Variants in JAK1 observed in about 807,000 individuals in gnomAD.
The protein encoded by JAK1 is tyrosine-protein kinase JAK1.
JAK1 carries 16 observed loss-of-function variants against 136.6 expected under a neutral mutation model. The ratio of observed to expected loss-of-function variants is 0.12; its 90% confidence interval spans 0.08 to 0.18. The LOEUF is 0.18. JAK1 is among the 10% of genes least tolerant of loss of function. JAK1 has a pLI of 1.00. For synonymous variants in JAK1, 492 were observed against 519.5 expected (o/e 0.95, Z 0.72); for missense variants, 859 against 1,450.1 (o/e 0.59, Z 6.62).
intron 2 of JAK1, among the ~76,000 whole-genome samples, chr1:65,025,665 T>C (rs1238337603): frequency 1.4e-5 from 2 of 141,092 alleles, no homozygotes; most frequent in Admixed American, 7.4e-5. Flanking sequence ...AAATCAATTT[T>C]TTTCTTTCTT....
intron 1 of JAK1, among the ~76,000 whole-genome samples, chr1:64,959,710 C>T (rs968198224): frequency 6.6e-6 from 1 of 152,136 alleles, no homozygotes; most frequent in Non-Finnish European, 1.5e-5. Context: ...AAGAGTAAAA[C>T]CTAATTTACC....
intron 8 of JAK1, among the ~76,000 whole-genome samples, chr1:64,862,260 T>C (rs898185256): frequency 1.3e-5 from 2 of 152,204 alleles, no homozygotes; most frequent in Non-Finnish European, 2.9e-5. Flanking sequence ...TATGGAATCA[T>C]CATTTTTATA....
intron 8 of JAK1, among the ~76,000 whole-genome samples, chr1:64,860,826 C>CTGTGCGTGTGTGTGTG (rs1656262092): frequency 8.3e-6 from 1 of 120,578 alleles, no homozygotes; most frequent in Non-Finnish European, 1.8e-5. Flanking sequence ...TCAGATGACT[C>CTGTGCGTGTGTGTGTG]TGTGTGTGTG....
intron 2 of JAK1, among the ~76,000 whole-genome samples, chr1:65,039,937 AG>A (rs1647114359): frequency 6.6e-6 from 1 of 152,036 alleles, no homozygotes. Context: ...AAATGCGAAG[AG>A]GCACAGTGGC....
At chr1:64,929,670 A>G (rs1645653459) in intron 1 of JAK1, among the ~76,000 whole-genome samples, 1 of 152,210 alleles carries the variant, frequency 6.6e-6, no homozygotes, top group Non-Finnish European at 1.5e-5. Context: ...TATTTAGGGT[A>G]AGTAAATGGA....
chr1:64,925,475 A>T (rs1645568571), intron 1 of JAK1, among the ~76,000 whole-genome samples: 1 of 152,186 alleles, frequency 6.6e-6, no homozygotes, highest in African/African-American at 2.4e-5. Flanking sequence ...CAAGAAGAAG[A>T]AAACTGTGTA....
At chr1:64,928,790 A>AAAAC (rs1553170024) in intron 1 of JAK1, among the ~76,000 whole-genome samples, 1 of 125,794 alleles carries the variant, frequency 7.9e-6, no homozygotes, top group African/African-American at 3.7e-5. Context: ...AAAAAAAAAA[A>AAAAC]AAAAAACAAA....
intron 2 of JAK1, among the ~76,000 whole-genome samples, chr1:65,000,607 T>G (rs1646746738): frequency 2.0e-5 from 3 of 152,106 alleles, no homozygotes; most frequent in Admixed American, 2.0e-4. Flanking sequence ...GTTAAATAAA[T>G]GTACAATGGA....
chr1:64,847,030 C>G lies in JAK1; in HGVS notation c.1900-294G>C, dbSNP rs1363448670. ...CCACTGGATACTCATGCCCACCTCT[C>G]TCTCTTCCTTTCAGCTCTGGGAAAT... On this transcript the variant is annotated intron_variant, in intron 13 of 24. Coordinates refer to ENST00000342505, the MANE Select transcript of JAK1 (RefSeq NM_002227.4). The G allele has an allele frequency of 6.0e-6, 3 of 499,414 alleles. No homozygotes were observed. The South Asian group carries it at 8.8e-5, about 15-fold the overall frequency. 30.9% of individuals were successfully genotyped at this position (499,414 alleles called of 1,614,324 possible).
intron 17 of JAK1, among the ~76,000 whole-genome samples, chr1:64,843,718 G>A (rs1176715991): frequency 1.5e-5 from 2 of 133,838 alleles, no homozygotes; most frequent in African/African-American, 3.4e-5. Flanking sequence ...AACTCCATAC[G>A]TATTTGTGTG....
upstream of JAK1, among the ~76,000 whole-genome samples, chr1:64,968,370 G>C (rs1456598762): frequency 6.6e-6 from 1 of 152,162 alleles, no homozygotes; most frequent in Non-Finnish European, 1.5e-5. Context: ...ACAATTCAGT[G>C]ATTCCCGGTC....
chr1:65,049,783 CCTGT>C (rs779180963), intron 1 of JAK1, among the ~76,000 whole-genome samples: 1 of 152,150 alleles, frequency 6.6e-6, no homozygotes, highest in Non-Finnish European at 1.5e-5. Context: ...AGTGTCGCTC[CCTGT>C]CTCTCTCCTG....
chr1:65,032,801 G>C (rs1324410129), intron 2 of JAK1, among the ~76,000 whole-genome samples: 1 of 152,138 alleles, frequency 6.6e-6, no homozygotes, highest in Admixed American at 6.5e-5. Flanking sequence ...CTGCCCACCA[G>C]TGTTATGGGG....
chr1:64,909,722 G>A (rs1645250439), intron 1 of JAK1, among the ~76,000 whole-genome samples: 1 of 152,084 alleles, frequency 6.6e-6, no homozygotes, highest in Non-Finnish European at 1.5e-5. Context: ...TACTTGGGAG[G>A]CTGAAGTGGG....
chr1:64,958,438 AC>A (rs1646229666), intron 1 of JAK1, among the ~76,000 whole-genome samples: 1 of 152,258 alleles, frequency 6.6e-6, no homozygotes, highest in African/African-American at 2.4e-5. Context: ...TTTTAACTGA[AC>A]AAAATCAGTC....
chr1:65,008,067 C>T (rs925268431), intron 2 of JAK1, among the ~76,000 whole-genome samples: 5 of 152,072 alleles, frequency 3.3e-5, no homozygotes, highest in African/African-American at 1.2e-4. Context: ...TTTCTAAGTT[C>T]CCAGGGAATT....
At chr1:64,977,454 CT>C (rs60862617) in intron 2 of JAK1, among the ~76,000 whole-genome samples, 1,704 of 141,200 alleles carry the variant, frequency 0.012, 6 homozygotes, top group Non-Finnish European at 0.016. Flanking sequence ...ACCCAGCCAT[CT>C]TTTTTTTTTT....
intron 13 of JAK1, among the ~76,000 whole-genome samples, 171 bp downstream of exon 13, chr1:64,847,361 T>C (rs1248277259): frequency 6.6e-6 from 1 of 152,082 alleles, no homozygotes; most frequent in Non-Finnish European, 1.5e-5. Flanking sequence ...CCTCACTTAC[T>C]CTACATGCAG....
chr1:64,860,419 C>CATTTATTTATTTATTT (rs3051564), intron 8 of JAK1, among the ~76,000 whole-genome samples, 157 bp from the exon 9 acceptor site: 19 of 73,878 alleles, frequency 2.6e-4, no homozygotes, highest in East Asian at 8.0e-4. Flanking sequence ...CCCTTGCATG[C>CATTTATTTATTTATTT]ATTTATTTAT....
Sources: gnomAD v4.1 joint callset for allele counts (sites outside exome capture counted in the v4.1 genomes callset) on GRCh38, gnomAD v4.1.1 for gene constraint, MANE v1.5 for transcripts, NCBI Gene and HGNC (gene_info 2026-07-23, HGNC 2026-07-21) for gene names.